Variants in FOXN2 observed in about 807,000 individuals in gnomAD.
The protein encoded by FOXN2 is forkhead box N2.
Under a neutral mutation model 41.2 loss-of-function variants are expected in FOXN2, and 19 were observed. That is an observed-to-expected ratio of 0.46 (90% CI 0.32 to 0.68). FOXN2 has a LOEUF of 0.68. Among genes scored for constraint, FOXN2 ranks in the 30% least tolerant of loss-of-function variants. The probability of loss-of-function intolerance (pLI) is 0.03; values close to 1 mark genes in which losing one functional copy is unlikely to be tolerated. For synonymous variants in FOXN2, 195 were observed against 176.8 expected (o/e 1.10, Z -0.82); for missense variants, 587 against 509.4 (o/e 1.15, Z -1.47).
intron 2 of FOXN2, among the ~76,000 whole-genome samples, chr2:48,337,391 G>A (rs979744944): frequency 6.6e-5 from 10 of 151,376 alleles, no homozygotes; most frequent in South Asian, 6.3e-4. Flanking sequence ...TCCACTTCCC[G>A]GGTTCAAGCA....
intron 3 of FOXN2, among the ~76,000 whole-genome samples, chr2:48,357,525 C>T (rs1341257424): frequency 1.5e-4 from 22 of 148,432 alleles, no homozygotes; most frequent in African/African-American, 4.7e-4. Flanking sequence ...TTTGAGACAG[C>T]GTTTCACTCT....
At chr2:48,369,696 A>G (rs144315114) in intron 5 of FOXN2, among the ~76,000 whole-genome samples, 7 of 152,038 alleles carry the variant, frequency 4.6e-5, no homozygotes, top group Non-Finnish European at 8.8e-5. Context: ...ATAAAATTAG[A>G]AACAAGGTAG....
intron 3 of FOXN2, among the ~76,000 whole-genome samples, chr2:48,352,562 A>G (rs1202765866): frequency 6.6e-6 from 1 of 152,178 alleles, no homozygotes; most frequent in Non-Finnish European, 1.5e-5. Flanking sequence ...TATGACTTCT[A>G]GATCTTTCTC....
chr2:48,314,187 A>C (rs893376168), upstream of FOXN2, among the ~76,000 whole-genome samples: 8 of 152,258 alleles, frequency 5.3e-5, no homozygotes, highest in African/African-American at 1.9e-4. Context: ...TGGGGTGTCG[A>C]GGAAGGTCTC....
In FOXN2 at chr2:48,325,844, CTTTTTT is replaced by C. The variant is rs959535701; in HGVS notation, c.-156-2700_-156-2695del. 4.8e-3 allele frequency among the ~76,000 whole-genome samples: 496 copies of C among 102,906 alleles called. 5 individuals are homozygous for C. Among genetic ancestry groups the C allele is most frequent in the African/African-American group, 0.017 (462 of 27,442 alleles). The allele number at this position is 102,906 out of a possible 152,430, so 67.5% of individuals were successfully genotyped here. On this transcript the variant is annotated intron_variant, in intron 1 of 6. Coordinates refer to ENST00000340553, the MANE Select transcript of FOXN2 (RefSeq NM_002158.4). ...TTAGAGAATTCTTCCCTCAAGATTT[CTTTTTT>C]TTTTTTTTTTTTTTTTGAGACGAAG...
chr2:48,366,080 G>GA (rs1672510093), intron 5 of FOXN2, among the ~76,000 whole-genome samples: 1 of 151,946 alleles, frequency 6.6e-6, no homozygotes, highest in Non-Finnish European at 1.5e-5. Context: ...ACTTTGGCTG[G>GA]GCACAGTGGC....
chr2:48,322,512 C>T lies in FOXN2; in HGVS notation c.-156-6049C>T, dbSNP rs565337078. Among the ~76,000 whole-genome samples the T allele has an allele frequency of 8.5e-5, 13 of 152,270 alleles. No individual in the cohort carries two copies. The South Asian group carries it at 1.4e-3, about 17-fold the overall frequency. Reference sequence around the variant, plus strand: ...CTGTTTTCTTGCTCATGCTCACGCTCACGCGGATTCTTGCACTCCCCCCTC... The same window carrying T: ...CTGTTTTCTTGCTCATGCTCACGCTTACGCGGATTCTTGCACTCCCCCCTC... On this transcript the variant is annotated intron_variant, in intron 1 of 6. Transcript: ENST00000340553.
chr2:48,362,756 T>G, intron 5 of FOXN2, 49 bp downstream of exon 5: 1 of 1,474,732 alleles, frequency 6.8e-7, no homozygotes, highest in Non-Finnish European at 9.5e-7. Flanking sequence ...AATCTTTTGG[T>G]CAACAACAGG....
intron 4 of FOXN2, among the ~76,000 whole-genome samples, chr2:48,359,440 A>G (rs962941038): frequency 6.6e-6 from 1 of 151,304 alleles, no homozygotes; most frequent in Non-Finnish European, 1.5e-5. Flanking sequence ...ACTACAGGCA[A>G]GCACCACCAC....
chr2:48,348,266 T>G (rs1671240567), intron 3 of FOXN2, among the ~76,000 whole-genome samples: 1 of 152,192 alleles, frequency 6.6e-6, no homozygotes. Flanking sequence ...TTTGGATAAT[T>G]TTTATTGATT....
At chr2:48,365,409 T>G (rs1672468950) in intron 5 of FOXN2, among the ~76,000 whole-genome samples, 1 of 152,234 alleles carries the variant, frequency 6.6e-6, no homozygotes, top group Non-Finnish European at 1.5e-5. Context: ...ATTGCCTCAA[T>G]AAAGTCTGAC....
chr2:48,361,812 A>G (rs1353052234), intron 4 of FOXN2, among the ~76,000 whole-genome samples: 2 of 152,198 alleles, frequency 1.3e-5, no homozygotes, highest in Non-Finnish European at 2.9e-5. Context: ...CTTTCCATGA[A>G]TATAGAAAGT....
In FOXN2 at chr2:48,317,434, G is replaced by A. The variant is rs139952524; in HGVS notation, c.-157+2620G>A. Among the ~76,000 whole-genome samples, 945 of 149,752 alleles carry A rather than the reference G, an allele frequency of 6.3e-3. 4 individuals carry two copies. The highest frequency in any genetic ancestry group is 0.01 in the Non-Finnish European group (708 of 67,492). ...ACTGCACTCCAGCCTGGGCAACGGGGCAAAACTCTGTCTCAAAAAAAAAAA... is the reference window on the plus strand; with the variant it reads ...ACTGCACTCCAGCCTGGGCAACGGGACAAAACTCTGTCTCAAAAAAAAAAA... On this transcript the variant is annotated intron_variant, in intron 1 of 6. Coordinates refer to ENST00000340553, the MANE Select transcript of FOXN2 (RefSeq NM_002158.4).
chr2:48,334,697 G>A (rs1423586323), intron 2 of FOXN2, among the ~76,000 whole-genome samples: 1 of 152,196 alleles, frequency 6.6e-6, no homozygotes, highest in Non-Finnish European at 1.5e-5. Flanking sequence ...CTCTGTTCAT[G>A]GCTTTGTGGG....
intron 3 of FOXN2, among the ~76,000 whole-genome samples, chr2:48,349,017 T>C (rs1671285089): frequency 6.6e-6 from 1 of 152,136 alleles, no homozygotes; most frequent in Non-Finnish European, 1.5e-5. Flanking sequence ...CAGGTGTGAG[T>C]CTTTCTGTGC....
At chr2:48,317,488 G>T (rs559685706) in intron 1 of FOXN2, among the ~76,000 whole-genome samples, 1 of 147,918 alleles carries the variant, frequency 6.8e-6, no homozygotes, top group Non-Finnish European at 1.5e-5. Flanking sequence ...TGAGAACAAA[G>T]ATTTGATGCT....
At chr2:48,343,728 C>T (rs867444225) in intron 2 of FOXN2, among the ~76,000 whole-genome samples, 50 of 151,360 alleles carry the variant, frequency 3.3e-4, no homozygotes, top group Middle Eastern at 3.4e-3. Context: ...CACTGTACTA[C>T]AGCCTGGGTG....
At chr2:48,338,294 C>G (rs775908677) in intron 2 of FOXN2, among the ~76,000 whole-genome samples, 3 of 152,256 alleles carry the variant, frequency 2.0e-5, no homozygotes, top group East Asian at 1.9e-4. Context: ...AAACAAAAAA[C>G]TGAGAAATGG....
At chr2:48,374,655 G>T (rs1339658133) in intron 6 of FOXN2, among the ~76,000 whole-genome samples, 1 of 152,078 alleles carries the variant, frequency 6.6e-6, no homozygotes, top group East Asian at 1.9e-4. Flanking sequence ...CTAAACAGTG[G>T]TACATTCATA....
Sources: allele counts gnomAD v4.1 joint callset (sites outside exome capture counted in the v4.1 genomes callset), GRCh38; gene constraint gnomAD v4.1.1; transcripts MANE v1.5; gene names NCBI Gene and HGNC (gene_info 2026-07-23, HGNC 2026-07-21).